The following NDRG2 variants were observed in gnomAD, a reference collection of about 807,000 sequenced individuals.
NDRG2 encodes the protein protein NDRG2.
Under a neutral mutation model 58.2 loss-of-function variants are expected in NDRG2, and 34 were observed. The ratio of observed to expected loss-of-function variants is 0.58; its 90% CI spans 0.44 to 0.78. The LOEUF (loss-of-function observed/expected upper bound fraction) is 0.78. NDRG2 is among the 30% of genes least tolerant of loss of function. NDRG2 has a pLI of 0.00. For synonymous variants in NDRG2, 187 were observed against 175.9 expected (o/e 1.06, Z -0.50); for missense variants, 434 against 471.2 (o/e 0.92, Z 0.73).
At chr14:21,065,315 G>A (rs1033941372) in intron 1 of NDRG2, among the ~76,000 whole-genome samples, 3 of 151,986 alleles carry the variant, frequency 2.0e-5, no homozygotes, top group African/African-American at 7.3e-5. Context: ...CTGACCCCAA[G>A]CCTCTGCCTT....
chr14:21,023,167 TG>T, intron 2 of NDRG2, 73 bp downstream of exon 2: 1 of 1,274,610 alleles, frequency 7.8e-7, no homozygotes, highest in East Asian at 2.4e-5. Flanking sequence ...TCAGTACGCT[TG>T]GGAAGTTAGA....
chr14:21,023,850 TG>T, intron 1 of NDRG2, 179 bp downstream of exon 1: 3 of 503,056 alleles, frequency 6.0e-6, no homozygotes, highest in Non-Finnish European at 7.7e-6. Context: ...ATGGGGGAGG[TG>T]GGGAAAACAA....
upstream of NDRG2, among the ~76,000 whole-genome samples, chr14:21,026,191 G>A (rs1416432774): frequency 2.0e-5 from 3 of 152,088 alleles, no homozygotes; most frequent in Admixed American, 6.5e-5. Flanking sequence ...CTCTCCTTGT[G>A]CCCCTCGGAG....
At chr14:21,039,435 C>G (rs1359226185) in intron 1 of NDRG2, among the ~76,000 whole-genome samples, 1 of 152,176 alleles carries the variant, frequency 6.6e-6, no homozygotes, top group Non-Finnish European at 1.5e-5. Context: ...TGCTCTTGCT[C>G]TCTCTCTCAG....
chr14:21,020,956 G>C lies in NDRG2; in HGVS notation c.408-112C>G, dbSNP rs538396271. ...TCCTGAGTCCACGGGCACAAAGAAA[G>C]GCAGACACGGACCTTTCTTTGGAGG... On this transcript the variant is annotated intron_variant, in intron 6 of 15. Transcript: ENST00000556147. The C allele has an allele frequency of 8.0e-4, 949 of 1,189,712 alleles. 2 individuals are homozygous for C. Among genetic ancestry groups the C allele is most frequent in the Non-Finnish European group, 1.1e-3 (905 of 812,882 alleles). The allele number at this position is 1,189,712 out of a possible 1,614,324, so 73.7% of individuals were successfully genotyped here. A position where few individuals can be genotyped will look rare whatever the true frequency, so the allele number is the denominator to read the frequency against.
At chr14:21,033,612 G>C (rs1884398466) in intron 1 of NDRG2, 2 of 597,528 alleles carry the variant, frequency 3.3e-6, no homozygotes, top group East Asian at 2.8e-5. Context: ...GGGCGAAGAG[G>C]GGGTAAACAA....
chr14:21,030,244 A>G, upstream of NDRG2: 1 of 240,398 alleles, frequency 4.2e-6, no homozygotes, highest in East Asian at 9.6e-5. Flanking sequence ...GCTCCCACAT[A>G]TCTGCACACA....
At chr14:21,030,536 C>T (rs1270780862), upstream of NDRG2, 11 of 1,591,854 alleles carry the variant, frequency 6.9e-6, no homozygotes, top group Admixed American at 1.7e-5. Flanking sequence ...TTCTCCTTCA[C>T]CCCCAAGTGT....
At chr14:21,021,196 T>G in intron 6 of NDRG2, 2 of 456,688 alleles carry the variant, frequency 4.4e-6, no homozygotes, top group Non-Finnish European at 4.3e-6. Context: ...TAGTTCCTGG[T>G]TCCTCTAGAG....
intron 1 of NDRG2, chr14:21,035,893 T>C (rs1884590839): frequency 2.2e-6 from 1 of 453,444 alleles, no homozygotes; most frequent in African/African-American, 2.0e-5. Context: ...GTGGTTAAGA[T>C]CAAGGCTTTT....
chr14:21,047,605 A>C (rs1348204942), intron 1 of NDRG2, among the ~76,000 whole-genome samples: 1 of 152,222 alleles, frequency 6.6e-6, no homozygotes, highest in Admixed American at 6.5e-5. Flanking sequence ...TGGGAAAAGG[A>C]GAATGCTTAA....
At chr14:21,021,974 C>T (rs1880686356) in intron 5 of NDRG2, 88 bp downstream of exon 5, 2 of 1,611,368 alleles carry the variant, frequency 1.2e-6, no homozygotes, top group Non-Finnish European at 1.7e-6. Flanking sequence ...ATAACCACTG[C>T]CCTCCCTTTC....
At chr14:21,044,576 G>T (rs1031010639) in intron 1 of NDRG2, among the ~76,000 whole-genome samples, 5 of 152,164 alleles carry the variant, frequency 3.3e-5, no homozygotes, top group Middle Eastern at 3.2e-3. Context: ...AGGCCTGAGG[G>T]GTTGAGATGC....
Position 21,020,574 on chromosome 14 carries a change from G to A in NDRG2, c.477C>T (p.His159=), listed in dbSNP as rs966601468. 9 of 1,613,578 alleles carry A rather than the reference G, an allele frequency of 5.6e-6. No individual in the cohort carries two copies. Among genetic ancestry groups the A allele is most frequent in the African/African-American group, 2.7e-5 (2 of 74,878 alleles). Residue 159 remains histidine (H), a synonymous_variant, in exon 8 of 16, where the codon CAC becomes CAT. Coordinates refer to ENST00000556147, the MANE Select transcript of NDRG2 (RefSeq NM_001320329.2). ...GGACAAGACCTTCAACAGTGTCCGG[G>A]TGGTTAAGCTGAGGGACAGCAGAAG... The part of the protein sequence containing the change: ...AYILARYALN[H]PDTVEGLVLI...
In NDRG2 at chr14:21,070,486, G is replaced by A. The variant is rs987438211; in HGVS notation, c.24+342C>T. ...CCAAGTCCTCAGCCTGGTGCCTCCC[G>A]AGCCTGCCTCGGACTGTTCGGCCCC... On this transcript the variant is annotated intron_variant, in intron 1 of 14. Coordinates refer to the NDRG2 transcript ENST00000403829. The surrounding 1 kb of genome is among the most constrained non-coding windows in gnomAD (Gnocchi z 4.7). 44 of 1,336,630 alleles carry A rather than the reference G, an allele frequency of 3.3e-5. No individual in the cohort carries two copies. The highest frequency in any genetic ancestry group is 4.5e-5 in the African/African-American group (3 of 65,940). The allele number at this position is 1,336,630 out of a possible 1,614,324, so 82.8% of individuals were successfully genotyped here. A position where few individuals can be genotyped will look rare whatever the true frequency, so the allele number is the denominator to read the frequency against.
Position 21,017,541 on chromosome 14 carries a change from G to A in NDRG2, c.*55C>T, listed in dbSNP as rs537717120. On this transcript the variant is annotated 3_prime_UTR_variant, in exon 16 of 16. Transcript: ENST00000556147. ...CCCAATGCCCCTTCAGCACCTCCCA[G>A]GTTAGCTCTGGGGGAGGTGAGGGCT... 87 of 1,571,632 alleles carry A rather than the reference G, an allele frequency of 5.5e-5. No individual in the cohort carries two copies. The African/African-American group carries it at 9.9e-4, about 18-fold the overall frequency.
Position 21,018,449 on chromosome 14 carries a change from T to A in NDRG2, c.861+8A>T. The A allele has an allele frequency of 6.2e-7, 1 of 1,613,660 alleles. No homozygotes were observed. Among genetic ancestry groups the A allele is most frequent in the Non-Finnish European group, 8.5e-7 (1 of 1,179,856 alleles). ...CTGTGGACGGGGGCCCAGGAACAGG[T>A]TACTGACCTTGAGGAACGAGGTCTG... On this transcript the variant is annotated splice_region_variant and intron_variant, in intron 13 of 15. Transcript: ENST00000556147.
upstream of NDRG2, chr14:21,025,329 G>C: frequency 1.0e-6 from 1 of 980,202 alleles, no homozygotes; most frequent in Non-Finnish European, 1.2e-6. The surrounding 1 kb of genome is among the most constrained non-coding windows in gnomAD (Gnocchi z 5.1). Context: ...GGTGTGGGGA[G>C]TGCGGGGATC....
At chr14:21,020,096 C>T in intron 8 of NDRG2, 120 bp from the exon 9 acceptor site, 1 of 793,220 alleles carries the variant, frequency 1.3e-6, no homozygotes, top group South Asian at 1.5e-5. Context: ...GAGTTCAAGA[C>T]CACCCTGGCC....
Sources: gnomAD v4.1 joint callset for allele counts (sites outside exome capture counted in the v4.1 genomes callset) on GRCh38, gnomAD v4.1.1 for gene constraint, Gnocchi (gnomAD v3.1) non-coding constraint, MANE v1.5 for transcripts, NCBI Gene and HGNC (gene_info 2026-07-23, HGNC 2026-07-21) for gene names.